Variants in ATP2B1 observed in about 807,000 individuals in gnomAD.
The protein encoded by ATP2B1 is ATPase plasma membrane Ca2+ transporting 1, also known as plasma membrane calcium-transporting ATPase 1.
In ATP2B1, 14 loss-of-function variants were observed where a neutral mutation model predicts 124.2. That is an observed-to-expected ratio of 0.11 (90% CI 0.07 to 0.18). ATP2B1 has a LOEUF of 0.18. ATP2B1 is among the 10% of genes least tolerant of loss of function. ATP2B1 has a pLI of 1.00. For synonymous variants in ATP2B1, 449 were observed against 492.4 expected (o/e 0.91, Z 1.17); for missense variants, 763 against 1,466.1 (o/e 0.52, Z 7.83).
chr12:89,643,988 G>C (rs1218246703), intron 2 of ATP2B1, among the ~76,000 whole-genome samples: 1 of 152,134 alleles, frequency 6.6e-6, no homozygotes, highest in African/African-American at 2.4e-5. Context: ...CGGGTATGGT[G>C]GTGGGTTCCT....
chr12:89,645,862 A>C (rs1884369455), intron 2 of ATP2B1, among the ~76,000 whole-genome samples: 1 of 150,416 alleles, frequency 6.6e-6, no homozygotes, highest in South Asian at 2.1e-4. Flanking sequence ...TGCATTTTAG[A>C]AAAATCACAT....
intron 1 of ATP2B1, among the ~76,000 whole-genome samples, chr12:89,676,306 C>T (rs1888598752): frequency 6.6e-6 from 1 of 152,164 alleles, no homozygotes; most frequent in Non-Finnish European, 1.5e-5. Context: ...ACAAGGTTTA[C>T]ACAATTGATG....
At chr12:89,656,460 T>C (rs1885965623) in intron 1 of ATP2B1, among the ~76,000 whole-genome samples, 3 of 152,214 alleles carry the variant, frequency 2.0e-5, no homozygotes, top group Admixed American at 6.5e-5. Flanking sequence ...CATGAGGTGT[T>C]ACTCCTTCTT....
intron 2 of ATP2B1, among the ~76,000 whole-genome samples, chr12:89,651,277 T>G (rs1885211746): frequency 6.6e-6 from 1 of 152,304 alleles, no homozygotes; most frequent in South Asian, 2.1e-4. Context: ...AATAGGGCAC[T>G]CTTTTTGTTC....
chr12:89,613,891 A>G (rs1477893330), intron 12 of ATP2B1, among the ~76,000 whole-genome samples: 1 of 152,238 alleles, frequency 6.6e-6, no homozygotes, highest in Non-Finnish European at 1.5e-5. Context: ...GATTTGTTCT[A>G]GACATCTAAT....
intron 1 of ATP2B1, among the ~76,000 whole-genome samples, chr12:89,707,367 CTG>C (rs1892590319): frequency 1.3e-5 from 2 of 152,130 alleles, no homozygotes; most frequent in Non-Finnish European, 2.9e-5. Flanking sequence ...TAAAATAAGA[CTG>C]TCCTCAGGTG....
intron 1 of ATP2B1, among the ~76,000 whole-genome samples, chr12:89,708,190 C>G (rs946707693): frequency 7.9e-5 from 12 of 152,094 alleles, no homozygotes; most frequent in Non-Finnish European, 1.6e-4. Flanking sequence ...GAGGGAGTGC[C>G]GGGCACGGTG....
intron 12 of ATP2B1, 172 bp from the exon 13 acceptor site, chr12:89,611,544 T>C: frequency 3.9e-6 from 2 of 518,048 alleles, no homozygotes; most frequent in Non-Finnish European, 6.0e-6. Flanking sequence ...TGCACTATTT[T>C]CAATAATCTC....
intron 20 of ATP2B1, chr12:89,598,767 C>T (rs1398084549): frequency 1.2e-6 from 2 of 1,612,948 alleles, no homozygotes; most frequent in Non-Finnish European, 1.7e-6. Flanking sequence ...GAGATTGTGA[C>T]AGCTTGCTCA....
chr12:89,687,365 T>C (rs1288057752), intron 1 of ATP2B1, among the ~76,000 whole-genome samples: 1 of 152,152 alleles, frequency 6.6e-6, no homozygotes, highest in Non-Finnish European at 1.5e-5. Context: ...GCTTAGGGGC[T>C]GCAGTAGGCT....
chr12:89,623,861 A>G (rs1880398670), intron 9 of ATP2B1, among the ~76,000 whole-genome samples: 2 of 152,208 alleles, frequency 1.3e-5, no homozygotes, highest in Admixed American at 1.3e-4. Flanking sequence ...CGCTCACCTT[A>G]ATTTTACAGA....
chr12:89,632,018 T>C lies in ATP2B1; in HGVS notation c.788-1373A>G, dbSNP rs117479692. Among the ~76,000 whole-genome samples the C allele has an allele frequency of 3.8e-4, 58 of 152,320 alleles. No individual in the cohort carries two copies. The East Asian group carries it at 8.5e-3, about 22-fold the overall frequency. ...AGAGTATATTCTTCTTCAGTTATAA[T>C]GCTGATAAGTCTGCTTACGGTTCTC... is the stretch of plus-strand genomic sequence containing the variant. On this transcript the variant is annotated intron_variant, in intron 5 of 20. Coordinates refer to ENST00000428670, the MANE Select transcript of ATP2B1 (RefSeq NM_001366521.1).
At chr12:89,703,976 T>TG (rs1158214456) in intron 1 of ATP2B1, among the ~76,000 whole-genome samples, 1 of 152,168 alleles carries the variant, frequency 6.6e-6, no homozygotes, top group African/African-American at 2.4e-5. Context: ...CTCCCCCAGG[T>TG]GATTCTTCAT....
Position 89,603,237 on chromosome 12 carries a change from T to C in ATP2B1, c.2866A>G (p.Ile956Val), listed in dbSNP as rs746847972. The change falls in exon 18 of 21, where the codon ATT becomes GTT. Residue 956 changes from isoleucine to valine, a missense_variant. Ile to Val is a conservative substitution (Grantham distance 29, BLOSUM62 3). Transcript: ENST00000428670. This position sits in a 1 kb window ranked among gnomAD's most constrained non-coding sequence, Gnocchi z 4.3. ...AAAGGAGCATTTCTTCCACTATCAA[T>C]GTCAAAAAACTTTTCTCCTGAAAGA... Reference protein sequence around the residue: ...LLFAGEKFFDIDSGRNAPLHA... With the variant: ...LLFAGEKFFDVDSGRNAPLHA... 1.9e-6 allele frequency: 3 copies of C among 1,603,144 alleles called. No homozygotes were observed. Among genetic ancestry groups the C allele is most frequent in the Non-Finnish European group, 2.6e-6 (3 of 1,175,652 alleles).
intron 1 of ATP2B1, among the ~76,000 whole-genome samples, chr12:89,703,131 AT>A (rs1892052236): frequency 6.6e-6 from 1 of 152,172 alleles, no homozygotes; most frequent in South Asian, 2.1e-4. Context: ...AATTAATTTT[AT>A]TATAAAATAT....
At chr12:89,620,805 T>G (rs1307613901) in intron 10 of ATP2B1, among the ~76,000 whole-genome samples, 2 of 152,132 alleles carry the variant, frequency 1.3e-5, no homozygotes, top group African/African-American at 4.8e-5. Flanking sequence ...TACTCAGTAA[T>G]TAAAGAAGGT....
intron 1 of ATP2B1, among the ~76,000 whole-genome samples, chr12:89,669,240 T>C (rs1887655734): frequency 6.6e-6 from 1 of 152,176 alleles, no homozygotes; most frequent in African/African-American, 2.4e-5. Context: ...TAGTGACCAC[T>C]CCAGCAACAG....
At chr12:89,696,771 T>G (rs1891183736) in intron 1 of ATP2B1, among the ~76,000 whole-genome samples, 1 of 152,188 alleles carries the variant, frequency 6.6e-6, no homozygotes, top group African/African-American at 2.4e-5. Flanking sequence ...CCTTTTCATC[T>G]CTTTCTATAG....
chr12:89,671,681 A>C (rs1592932202), intron 1 of ATP2B1, among the ~76,000 whole-genome samples: 1 of 151,580 alleles, frequency 6.6e-6, no homozygotes, highest in East Asian at 1.9e-4. Context: ...TCACTAAGCA[A>C]CCTCCTAATT....
Sources: allele counts gnomAD v4.1 joint callset (sites outside exome capture counted in the v4.1 genomes callset), GRCh38; gene constraint gnomAD v4.1.1; non-coding constraint Gnocchi (gnomAD v3.1); transcripts MANE v1.5; gene names NCBI Gene and HGNC (gene_info 2026-07-23, HGNC 2026-07-21).